LEMD1: variants seen among roughly 807,000 people sequenced by gnomAD.
LEMD1 encodes LEM domain-containing protein 1.
LEMD1 carries 18 observed loss-of-function variants against 17.4 expected under a neutral mutation model. The observed-to-expected ratio is 1.04, with a 90% CI of 0.72 to 1.54. The LOEUF (loss-of-function observed/expected upper bound fraction) is 1.54, where lower values mean the gene tolerates loss of function less well. LEMD1 is among the 40% of genes most tolerant of loss of function. LEMD1 has a pLI of 0.00. For missense variants in LEMD1, 195 were observed against 210.4 expected (o/e 0.93, Z 0.45); for synonymous variants, 88 against 77.8 (o/e 1.13, Z -0.69).
In LEMD1 at chr1:205,448,572, T is replaced by A. The variant is rs974636854; in HGVS notation, c.-39+1296A>T. ...TCTTCCACCACCTGCACTAAAGCCA[T>A]CCCAGTAATGAGTTTCCAGTTCTTG... is the stretch of plus-strand genomic sequence containing the variant. On this transcript the variant is annotated intron_variant, in intron 1 of 3. Coordinates refer to the LEMD1 transcript ENST00000367154. The surrounding 1 kb of genome is among the most constrained non-coding windows in gnomAD (Gnocchi z 4.7). 6.6e-6 allele frequency among the ~76,000 whole-genome samples: 1 copy of A among 151,582 alleles called. No individual in the cohort carries two copies. The highest frequency in any genetic ancestry group is 1.5e-5 in the Non-Finnish European group (1 of 67,908).
chr1:205,422,781 G>A (rs553389899), upstream of LEMD1, among the ~76,000 whole-genome samples: 1 of 152,304 alleles, frequency 6.6e-6, no homozygotes, highest in East Asian at 1.9e-4. Context: ...TTGCAGGATA[G>A]AGGGAATGAT....
At chr1:205,399,266 T>C (rs375061917) in intron 4 of LEMD1, among the ~76,000 whole-genome samples, 4 of 151,898 alleles carry the variant, frequency 2.6e-5, no homozygotes, top group African/African-American at 9.6e-5. Flanking sequence ...GTGAGGCTAA[T>C]GGAATCTATA....
intron 4 of LEMD1, 59 bp from the exon 5 acceptor site, chr1:205,384,423 C>T: frequency 1.8e-6 from 2 of 1,129,296 alleles, no homozygotes; most frequent in Non-Finnish European, 2.4e-6. Context: ...ATACAAATAA[C>T]CTTGGTTTTT....
upstream of LEMD1, among the ~76,000 whole-genome samples, chr1:205,426,160 C>A (rs1029845254): frequency 6.6e-6 from 1 of 152,220 alleles, no homozygotes; most frequent in East Asian, 1.9e-4. Flanking sequence ...AAAACCTAAA[C>A]GGTCCTAACC....
At chr1:205,391,166 T>C (rs763224756) in intron 4 of LEMD1, among the ~76,000 whole-genome samples, 2 of 151,480 alleles carry the variant, frequency 1.3e-5, no homozygotes, top group African/African-American at 4.9e-5. Flanking sequence ...GAAAAAAAAA[T>C]GGACCATTGG....
At chr1:205,409,166 T>C (rs1287901867) in intron 4 of LEMD1, among the ~76,000 whole-genome samples, 1 of 152,176 alleles carries the variant, frequency 6.6e-6, no homozygotes, top group Non-Finnish European at 1.5e-5. Flanking sequence ...TAAAGTTCAG[T>C]CTGCCTCATT....
intron 4 of LEMD1, among the ~76,000 whole-genome samples, chr1:205,402,450 A>T (rs1664896134): frequency 6.6e-6 from 1 of 152,052 alleles, no homozygotes; most frequent in Non-Finnish European, 1.5e-5. Flanking sequence ...TAGGTATTTT[A>T]TTCTCTTTGA....
At position 205,416,265 on chromosome 1, in the gene LEMD1, TATG is replaced by T. The variant is rs1435686971; in HGVS notation, c.234_236del (p.Ile79del). The T allele has an allele frequency of 1.9e-6, 3 of 1,548,696 alleles. No homozygotes were observed. The highest frequency in any genetic ancestry group is 1.4e-5 in the African/African-American group (1 of 73,072). On this transcript the variant is annotated inframe_deletion, in exon 4 of 6. Transcript: ENST00000367153. ...GTTTCTTGCTTTTTTCTGTTGAGAG[TATG>T]ATATTTCCTTGCAAAATGATATTAA...
intron 3 of LEMD1, among the ~76,000 whole-genome samples, chr1:205,418,405 G>GGA (rs1275047768): frequency 6.6e-6 from 1 of 152,200 alleles, no homozygotes; most frequent in African/African-American, 2.4e-5. Flanking sequence ...CAGAGATCCT[G>GGA]GAGACCCCTG....
upstream of LEMD1, among the ~76,000 whole-genome samples, chr1:205,426,660 G>C (rs1269973920): frequency 6.6e-6 from 1 of 152,170 alleles, no homozygotes; most frequent in Non-Finnish European, 1.5e-5. Context: ...CTTCAGCGAA[G>C]GATGTGCTTT....
chr1:205,430,297 G>A (rs1302562267), intron 1 of LEMD1, among the ~76,000 whole-genome samples: 2 of 152,180 alleles, frequency 1.3e-5, no homozygotes, highest in African/African-American at 4.8e-5. Context: ...CTTAGGAAGG[G>A]CTGTGTTGAA....
At position 205,419,371 on chromosome 1, in the gene LEMD1, A is replaced by G. The variant is rs745903500; in HGVS notation, c.83-19T>C. On this transcript the variant is annotated intron_variant, in intron 2 of 5. Coordinates refer to ENST00000367153, the MANE Select transcript of LEMD1 (RefSeq NM_001199050.2). ...GTGGAAGCTGAGGAAGAATTTGGAG[A>G]ACAAATTAAATTGTTCTGTTTTTTG... is the stretch of plus-strand genomic sequence containing the variant. 9.9e-6 allele frequency: 16 copies of G among 1,613,950 alleles called. No homozygotes were observed. In the East Asian group the frequency reaches 3.6e-4, roughly 36 times the overall value.
chr1:205,413,653 C>T (rs1258305759), intron 4 of LEMD1, among the ~76,000 whole-genome samples: 1 of 126,454 alleles, frequency 7.9e-6, no homozygotes, highest in Non-Finnish European at 1.6e-5. Flanking sequence ...GGATAAAATG[C>T]CATTTTTTTT....
intron 1 of LEMD1, among the ~76,000 whole-genome samples, chr1:205,444,887 C>T (rs1666356768): frequency 6.6e-6 from 1 of 151,632 alleles, no homozygotes; most frequent in Non-Finnish European, 1.5e-5. Context: ...ACCTTAACTC[C>T]CCGCCACCCC....
chr1:205,397,417 T>C (rs571242604), intron 4 of LEMD1, among the ~76,000 whole-genome samples: 271 of 152,296 alleles, frequency 1.8e-3, no homozygotes, highest in African/African-American at 6.1e-3. Flanking sequence ...CCAAGAAGGC[T>C]GGGCAACACA....
chr1:205,394,605 G>A (rs964406035), intron 4 of LEMD1, among the ~76,000 whole-genome samples: 6 of 152,068 alleles, frequency 3.9e-5, no homozygotes, highest in African/African-American at 7.2e-5. Flanking sequence ...GGCTGGACTC[G>A]AACTTCTGAC....
intron 4 of LEMD1, among the ~76,000 whole-genome samples, chr1:205,399,732 T>A (rs1928443): frequency 0.31 from 47,039 of 152,102 alleles, 7,630 homozygotes; most frequent in African/African-American, 0.39. Context: ...AGTATGAAAA[T>A]AGTGATGTCA....
In LEMD1 at chr1:205,428,239, G is replaced by A. The variant is rs141853255; in HGVS notation, c.-38-7665C>T. ...ATATACCCCTCACCCTGCTTCAACA[G>A]TTGTCAACATTTTGCCAATCCTGTT... On this transcript the variant is annotated intron_variant, in intron 1 of 3. Transcript: ENST00000367154. 5.4e-3 allele frequency among the ~76,000 whole-genome samples: 826 copies of A among 152,296 alleles called. 2 individuals carry two copies. The highest frequency in any genetic ancestry group is 0.019 in the African/African-American group (790 of 41,562).
intron 1 of LEMD1, among the ~76,000 whole-genome samples, chr1:205,430,067 C>G (rs1666105669): frequency 6.6e-6 from 1 of 152,264 alleles, no homozygotes. Context: ...CAGGCAGCGT[C>G]TGTCTCAAAT....
Sources: allele counts gnomAD v4.1 joint callset (sites outside exome capture counted in the v4.1 genomes callset), GRCh38; gene constraint gnomAD v4.1.1; non-coding constraint Gnocchi (gnomAD v3.1); transcripts MANE v1.5; gene names NCBI Gene and HGNC (gene_info 2026-07-23, HGNC 2026-07-21).